The following PCSK6 variants were observed in gnomAD, a reference collection of about 807,000 sequenced individuals.
PCSK6 encodes proprotein convertase subtilisin/kexin type 6.
PCSK6 carries 85 observed loss-of-function variants against 123.3 expected under a neutral mutation model. That is an observed-to-expected ratio of 0.69 (90% CI 0.58 to 0.83). PCSK6 has a LOEUF of 0.83. Among genes scored for constraint, PCSK6 ranks in the 40% least tolerant of loss-of-function variants. The pLI, the probability that PCSK6 is intolerant of heterozygous loss-of-function variation, is 0.00. For synonymous variants in PCSK6, 508 were observed against 516.0 expected (o/e 0.98, Z 0.21); for missense variants, 1,191 against 1,282.3 (o/e 0.93, Z 1.09).
chr15:101,334,809 C>T (rs2040440984), intron 13 of PCSK6, among the ~76,000 whole-genome samples: 1 of 152,192 alleles, frequency 6.6e-6, no homozygotes, highest in African/African-American at 2.4e-5. Flanking sequence ...CACTCAGGGT[C>T]AGTGGTGTGC....
chr15:101,318,165 C>A (rs2040035639), intron 19 of PCSK6, among the ~76,000 whole-genome samples, 154 bp downstream of exon 19: 1 of 152,248 alleles, frequency 6.6e-6, no homozygotes, highest in Admixed American at 6.5e-5. Context: ...GGCCCCCAGT[C>A]CCTGGTAGGG....
At chr15:101,395,120 C>A (rs747537) in intron 7 of PCSK6, among the ~76,000 whole-genome samples, 13 of 152,062 alleles carry the variant, frequency 8.5e-5, no homozygotes, top group South Asian at 2.1e-4. Flanking sequence ...AGAATTAGTC[C>A]TAGACACTGC....
intron 11 of PCSK6, among the ~76,000 whole-genome samples, chr15:101,372,242 C>T (rs1399038193): frequency 6.6e-6 from 1 of 152,156 alleles, no homozygotes; most frequent in Non-Finnish European, 1.5e-5. Flanking sequence ...ACCACACGAC[C>T]GGTGCTTGGC....
chr15:101,394,366 T>C (rs978912035), intron 7 of PCSK6, among the ~76,000 whole-genome samples: 2 of 152,204 alleles, frequency 1.3e-5, no homozygotes, highest in African/African-American at 4.8e-5. Flanking sequence ...AGCTCCGCTC[T>C]ATCCCATACC....
intron 1 of PCSK6, among the ~76,000 whole-genome samples, chr15:101,482,042 G>A (rs955464447): frequency 1.1e-4 from 17 of 152,344 alleles, no homozygotes; most frequent in Non-Finnish European, 2.1e-4. Flanking sequence ...GAGAAACGGC[G>A]GCTGGTGGGG....
intron 10 of PCSK6, among the ~76,000 whole-genome samples, chr15:101,383,406 T>G (rs1043303436): frequency 9.0e-6 from 1 of 111,592 alleles, no homozygotes; most frequent in African/African-American, 3.8e-5. Flanking sequence ...CGAGACTCTG[T>G]CTCAAAAAAA....
chr15:101,362,690 C>A (rs566892916), intron 13 of PCSK6, among the ~76,000 whole-genome samples: 3 of 152,164 alleles, frequency 2.0e-5, no homozygotes, highest in South Asian at 4.1e-4. Flanking sequence ...TTCATCCCAC[C>A]GCAACCCAGT....
At chr15:101,460,532 G>A (rs2141204544) in intron 1 of PCSK6, among the ~76,000 whole-genome samples, 1 of 152,340 alleles carries the variant, frequency 6.6e-6, no homozygotes, top group Non-Finnish European at 1.5e-5. Flanking sequence ...AAGGGTCTGA[G>A]CCACTCTGTC....
chr15:101,450,915 C>T (rs2057017497), intron 1 of PCSK6, among the ~76,000 whole-genome samples: 1 of 152,016 alleles, frequency 6.6e-6, no homozygotes, highest in African/African-American at 2.4e-5. Flanking sequence ...CGGGCACTCC[C>T]TTCCACTGGC....
intron 1 of PCSK6, among the ~76,000 whole-genome samples, chr15:101,477,040 C>T (rs763108806): frequency 1.1e-4 from 16 of 152,174 alleles, no homozygotes; most frequent in Non-Finnish European, 2.4e-4. Flanking sequence ...GCAGCTGCAG[C>T]ACTATCCACC....
intron 1 of PCSK6, among the ~76,000 whole-genome samples, chr15:101,451,623 C>G (rs1032429748): frequency 6.6e-6 from 1 of 152,208 alleles, no homozygotes; most frequent in Non-Finnish European, 1.5e-5. Flanking sequence ...TTCCAAACCC[C>G]GTCCGCTCCG....
intron 1 of PCSK6, among the ~76,000 whole-genome samples, chr15:101,476,347 T>C (rs1014234647): frequency 7.2e-5 from 11 of 152,144 alleles, no homozygotes; most frequent in Non-Finnish European, 1.5e-4. Context: ...ACACTGCTTA[T>C]AACAGAAAAA....
intron 5 of PCSK6, among the ~76,000 whole-genome samples, chr15:101,428,887 G>A (rs1041683686): frequency 2.6e-5 from 4 of 152,164 alleles, no homozygotes; most frequent in Non-Finnish European, 4.4e-5. Context: ...GCCCTTCAAG[G>A]GTCACTGCGT....
intron 13 of PCSK6, among the ~76,000 whole-genome samples, chr15:101,339,321 G>A (rs2040548826): frequency 6.6e-6 from 1 of 152,144 alleles, no homozygotes; most frequent in Non-Finnish European, 1.5e-5. Flanking sequence ...TTGAAACACA[G>A]TGAAGTAAGA....
At chr15:101,311,309 T>C (rs1017822424) in intron 20 of PCSK6, among the ~76,000 whole-genome samples, 11 of 141,338 alleles carry the variant, frequency 7.8e-5, no homozygotes, top group Non-Finnish European at 1.2e-4. Context: ...TTTTTTTTAG[T>C]AGAGAAGGGG....
intron 12 of PCSK6, among the ~76,000 whole-genome samples, chr15:101,367,763 G>GA (rs1409164223): frequency 6.6e-6 from 1 of 152,136 alleles, no homozygotes; most frequent in Non-Finnish European, 1.5e-5. Context: ...ATCTGCCTTG[G>GA]AAAAAAACCA....
chr15:101,347,721 G>T (rs748044944), intron 13 of PCSK6: 17 of 1,613,830 alleles, frequency 1.1e-5, no homozygotes, highest in Non-Finnish European at 1.4e-5. Flanking sequence ...ATTTCACAGA[G>T]ATTACCAAAG....
intron 13 of PCSK6, among the ~76,000 whole-genome samples, chr15:101,342,540 T>C (rs935900529): frequency 2.0e-5 from 3 of 152,260 alleles, no homozygotes; most frequent in African/African-American, 4.8e-5. Context: ...TTTGTATTTA[T>C]GTTCTTGAGT....
At chr15:101,379,296 G>GTC (rs1567176393) in intron 11 of PCSK6, among the ~76,000 whole-genome samples, 1 of 152,192 alleles carries the variant, frequency 6.6e-6, no homozygotes, top group Non-Finnish European at 1.5e-5. Context: ...AGGGGTGGAC[G>GTC]TATGAACACC....
Sources: allele counts gnomAD v4.1 joint callset (sites outside exome capture counted in the v4.1 genomes callset), GRCh38; gene constraint gnomAD v4.1.1; transcripts MANE v1.5; gene names NCBI Gene and HGNC (gene_info 2026-07-23, HGNC 2026-07-21).